The following SLC39A10 variants were observed in gnomAD, a reference collection of about 807,000 sequenced individuals.
SLC39A10 encodes solute carrier family 39 member 10.
In SLC39A10, 13 loss-of-function variants were observed where a neutral mutation model predicts 65.1. That is an observed-to-expected ratio of 0.20 (90% CI 0.13 to 0.32). The LOEUF is 0.32. Among genes scored for constraint, SLC39A10 ranks in the 10% least tolerant of loss-of-function variants. The pLI is 1.00. For missense variants in SLC39A10, 831 were observed against 1,018.4 expected (o/e 0.82, Z 2.50); for synonymous variants, 321 against 342.2 (o/e 0.94, Z 0.68).
chr2:195,711,551 C>G (rs770504879), intron 5 of SLC39A10, among the ~76,000 whole-genome samples: 1 of 152,076 alleles, frequency 6.6e-6, no homozygotes, highest in Non-Finnish European at 1.5e-5. Context: ...GTAAATAGGA[C>G]AATAAGTAAC....
intron 1 of SLC39A10, among the ~76,000 whole-genome samples, chr2:195,678,257 C>T (rs1295349549): frequency 6.6e-6 from 1 of 152,116 alleles, no homozygotes; most frequent in Non-Finnish European, 1.5e-5. Context: ...CCATTTAACT[C>T]TATATATTCT....
intron 8 of SLC39A10, among the ~76,000 whole-genome samples, chr2:195,725,279 A>G (rs1574317804): frequency 6.6e-6 from 1 of 152,274 alleles, no homozygotes; most frequent in Non-Finnish European, 1.5e-5. Context: ...CATAAAATAC[A>G]CTTCTTACAA....
intron 2 of SLC39A10, among the ~76,000 whole-genome samples, chr2:195,635,699 C>CCA (rs1678877205): frequency 2.4e-5 from 1 of 41,642 alleles, no homozygotes; most frequent in Admixed American, 5.3e-4. Flanking sequence ...TTTTGTGGAA[C>CCA]CCCCCCCACT....
chr2:195,684,252 A>C (rs1305606203), intron 3 of SLC39A10, among the ~76,000 whole-genome samples: 2 of 152,090 alleles, frequency 1.3e-5, no homozygotes, highest in Non-Finnish European at 2.9e-5. Context: ...CTAATTACTT[A>C]ACATTTATCA....
chr2:195,626,077 C>T (rs1366013413), intron 2 of SLC39A10, among the ~76,000 whole-genome samples: 1 of 152,168 alleles, frequency 6.6e-6, no homozygotes, highest in African/African-American at 2.4e-5. Context: ...AGCCACTGTG[C>T]CTGGCCGGCC....
At chr2:195,687,320 T>A (rs779106776) in intron 3 of SLC39A10, among the ~76,000 whole-genome samples, 2 of 140,706 alleles carry the variant, frequency 1.4e-5, no homozygotes, top group Non-Finnish European at 3.2e-5. Flanking sequence ...TAGCTTTTTT[T>A]TCTTATTTTG....
intron 2 of SLC39A10, among the ~76,000 whole-genome samples, chr2:195,624,254 G>A (rs1688413168): frequency 1.3e-5 from 2 of 151,588 alleles, no homozygotes; most frequent in South Asian, 2.1e-4. Context: ...GGGTATGCTG[G>A]CGGGCGCCTG....
At position 195,723,022 on chromosome 2, in the gene SLC39A10, AC is replaced by A. The variant is rs754069170; in HGVS notation, c.2146+4694del. On this transcript the variant is annotated intron_variant, in intron 8 of 9. Coordinates refer to ENST00000359634, the MANE Select transcript of SLC39A10 (RefSeq NM_020342.3). ...AATGATGGTTACCTTCTTAGCACTT[AC>A]CCCTTTTTCTCTCTGCAGTTTCTGC... 1.8e-3 allele frequency among the ~76,000 whole-genome samples: 278 copies of A among 152,130 alleles called. 1 individual carries two copies. The highest frequency in any genetic ancestry group is 3.6e-3 in the Non-Finnish European group (243 of 68,002).
At chr2:195,641,600 T>C (rs1181018057) in intron 2 of SLC39A10, among the ~76,000 whole-genome samples, 2 of 152,196 alleles carry the variant, frequency 1.3e-5, no homozygotes, top group Non-Finnish European at 2.9e-5. Context: ...TTTATACTTA[T>C]ATCACATGTC....
rs1190335333 is a variant in SLC39A10, at chr2:195,728,845, C to A, written c.2337+496C>A. Among the ~76,000 whole-genome samples the A allele has an allele frequency of 6.6e-6, 1 of 151,964 alleles. No homozygotes were observed. The highest frequency in any genetic ancestry group is 1.5e-5 in the Non-Finnish European group (1 of 68,004). ...GTTTTATTTTGATTTTACTTTAATA[C>A]CCCAAATATGTTAGACAGTGTATTT... is the stretch of plus-strand genomic sequence containing the variant. On this transcript the variant is annotated intron_variant, in intron 9 of 9. Transcript: ENST00000359634. The surrounding 1 kb of genome is among the most constrained non-coding windows in gnomAD (Gnocchi z 4.4).
At chr2:195,619,634 T>C (rs1339641155) in intron 2 of SLC39A10, among the ~76,000 whole-genome samples, 1 of 152,126 alleles carries the variant, frequency 6.6e-6, no homozygotes, top group Non-Finnish European at 1.5e-5. Context: ...AGCTATAGAA[T>C]GACAAATTAG....
chr2:195,630,148 T>G (rs78503549), intron 2 of SLC39A10, among the ~76,000 whole-genome samples: 1 of 149,348 alleles, frequency 6.7e-6, no homozygotes, highest in Non-Finnish European at 1.5e-5. Flanking sequence ...GTTTGGGTTT[T>G]TTTTTTTTTT....
intron 2 of SLC39A10, among the ~76,000 whole-genome samples, chr2:195,644,828 A>G (rs1390457696): frequency 1.3e-5 from 2 of 151,714 alleles, no homozygotes; most frequent in Non-Finnish European, 2.9e-5. Flanking sequence ...AAACAAAAGA[A>G]AATCACATTT....
At chr2:195,635,611 C>A in intron 2 of SLC39A10, among the ~76,000 whole-genome samples, 1 of 151,896 alleles carries the variant, frequency 6.6e-6, no homozygotes, top group Admixed American at 6.6e-5. Context: ...GCTTTCCTGG[C>A]ACATGCTAAA....
chr2:195,708,237 G>C (rs1691478357), intron 4 of SLC39A10, among the ~76,000 whole-genome samples: 1 of 152,118 alleles, frequency 6.6e-6, no homozygotes, highest in African/African-American at 2.4e-5. Context: ...ATGATAATCA[G>C]TTTAAGAAAG....
rs753258445 is a variant in SLC39A10 at position 195,717,015 on chromosome 2, C to G, written c.2065+10C>G. The G allele has an allele frequency of 1.3e-5, 21 of 1,609,388 alleles. No individual in the cohort carries two copies. The Admixed American group carries it at 3.3e-4, about 26-fold the overall frequency. Reference sequence around the variant, plus strand: ...GATGGGCTCGCAATTGGTAAGTGGACTGGAAACCACTGTCTATGCTAATCT... The same window carrying G: ...GATGGGCTCGCAATTGGTAAGTGGAGTGGAAACCACTGTCTATGCTAATCT... On this transcript the variant is annotated intron_variant, in intron 7 of 9. Coordinates refer to ENST00000359634, the MANE Select transcript of SLC39A10 (RefSeq NM_020342.3).
Position 195,716,625 on chromosome 2 carries a change from C to G in SLC39A10, c.1697-12C>G. On this transcript the variant is annotated splice_polypyrimidine_tract_variant and intron_variant, in intron 6 of 9. Coordinates refer to ENST00000359634, the MANE Select transcript of SLC39A10 (RefSeq NM_020342.3). ...AATTATTGATAAAGCATATCCTTTG[C>G]TATAAATACAGGAACTGATGACTCG... The G allele has an allele frequency of 1.3e-6, 2 of 1,578,764 alleles. No individual in the cohort carries two copies. Among genetic ancestry groups the G allele is most frequent in the South Asian group, 2.4e-5 (2 of 82,676 alleles).
chr2:195,660,354 A>G (rs111383218), intron 1 of SLC39A10, among the ~76,000 whole-genome samples: 5 of 152,248 alleles, frequency 3.3e-5, no homozygotes, highest in African/African-American at 1.2e-4. Flanking sequence ...CAAAACAACT[A>G]GTTTTTTCCT....
chr2:195,632,290 CTTTTTTTTTTTTTT>C lies in SLC39A10; in HGVS notation c.-12+26071_-12+26084del, dbSNP rs202193660. 0.036 allele frequency among the ~76,000 whole-genome samples: 2,478 copies of C among 69,354 alleles called. 290 individuals carry two copies. In the East Asian group the frequency reaches 0.37, roughly 10 times the overall value. 45.5% of individuals were successfully genotyped at this position (69,354 alleles called of 152,430 possible). On this transcript the variant is annotated intron_variant, in intron 2 of 2. Coordinates refer to the SLC39A10 transcript ENST00000458054. Reference sequence around the variant, plus strand: ...AGGTCACCAGCTCTCATTCTACTTCCTTTTTTTTTTTTTTTTTTTTTTTTTTTGAGACAGAGTCT... The same window carrying C: ...AGGTCACCAGCTCTCATTCTACTTCCTTTTTTTTTTTTTGAGACAGAGTCT...
Sources: allele counts gnomAD v4.1 joint callset (sites outside exome capture counted in the v4.1 genomes callset), GRCh38; gene constraint gnomAD v4.1.1; non-coding constraint Gnocchi (gnomAD v3.1); transcripts MANE v1.5; gene names NCBI Gene and HGNC (gene_info 2026-07-23, HGNC 2026-07-21).